SYNE2: variants seen among roughly 807,000 people sequenced by gnomAD.
The protein encoded by SYNE2 is nesprin-2.
In SYNE2, 431 loss-of-function variants were observed where a neutral mutation model predicts 856.3. The observed-to-expected ratio is 0.50, with a 90% CI of 0.47 to 0.55. SYNE2 has a LOEUF of 0.55. SYNE2 is among the 20% of genes least tolerant of loss of function. The pLI is 0.00. For missense variants in SYNE2, 8,129 were observed against 8,023.2 expected (o/e 1.01, Z -0.50); for synonymous variants, 2,923 against 2,872.3 (o/e 1.02, Z -0.56).
intron 1 of SYNE2, among the ~76,000 whole-genome samples, chr14:63,823,985 C>T (rs1330297148): frequency 6.6e-6 from 1 of 152,068 alleles, no homozygotes; most frequent in African/African-American, 2.4e-5. Flanking sequence ...TAAATAAGAC[C>T]TACTATTTGC....
chr14:63,961,074 A>G (rs2096307108), intron 8 of SYNE2, among the ~76,000 whole-genome samples: 1 of 152,186 alleles, frequency 6.6e-6, no homozygotes, highest in African/African-American at 2.4e-5. Flanking sequence ...CTTCCGTACA[A>G]TATATGCTTT....
At chr14:63,885,560 C>A (rs1482837255) in intron 1 of SYNE2, among the ~76,000 whole-genome samples, 2 of 152,164 alleles carry the variant, frequency 1.3e-5, no homozygotes, top group African/African-American at 4.8e-5. Flanking sequence ...GACCATTTAA[C>A]TCCCAAATGG....
intron 71 of SYNE2, 99 bp downstream of exon 71, chr14:64,125,309 C>A: frequency 1.3e-6 from 2 of 1,511,210 alleles, no homozygotes; most frequent in Admixed American, 1.8e-5. Context: ...CTGAACAAGT[C>A]ATGGAACACA....
At chr14:64,032,833 ATGT>A (rs1488750484) in intron 45 of SYNE2, among the ~76,000 whole-genome samples, 3 of 152,162 alleles carry the variant, frequency 2.0e-5, no homozygotes, top group African/African-American at 7.2e-5. Flanking sequence ...GAGGCTCTTG[ATGT>A]TGTATGTGTA....
intron 99 of SYNE2, chr14:64,202,179 C>G: frequency 2.8e-6 from 2 of 702,270 alleles, no homozygotes; most frequent in East Asian, 5.4e-5. Context: ...TTGCCCCCTC[C>G]CTTTTAGACG....
chr14:63,838,575 C>T (rs969893886), intron 1 of SYNE2, among the ~76,000 whole-genome samples: 5 of 151,892 alleles, frequency 3.3e-5, no homozygotes, highest in African/African-American at 2.4e-5. Context: ...AATGCAGTGG[C>T]GCAATCATAG....
At position 63,976,568 on chromosome 14, in the gene SYNE2, T is replaced by C. The variant is rs1447007908; in HGVS notation, c.1134T>C (p.Asn378=). 4 of 1,581,986 alleles carry C rather than the reference T, an allele frequency of 2.5e-6. No individual in the cohort carries two copies. In the South Asian group the frequency reaches 3.4e-5, roughly 13 times the overall value. The change falls in exon 12 of 116, where the codon AAT becomes AAC. Residue 378 remains asparagine, a synonymous_variant. Transcript: ENST00000555002. ...EAWDGLDHQI[N]AWKIKLNYAL... ...TTTTTTTTTTTTTTTTTCAGATTAA[T>C]GCATGGAAAATAAAGCTAAATTATG...
upstream of SYNE2, among the ~76,000 whole-genome samples, chr14:63,849,009 G>A (rs1890318182): frequency 6.6e-6 from 1 of 152,188 alleles, no homozygotes; most frequent in Non-Finnish European, 1.5e-5. Context: ...CATTAGTCAA[G>A]GGAGCAATTA....
chr14:64,062,813 A>G lies in SYNE2; in HGVS notation c.10130A>G (p.Lys3377Arg), dbSNP rs1182521156. ...MEEDIYTNLS[K>R]METVLGQSMS... ...GAGGATATTTACACTAACCTCAGCA[A>G]AATGGAGACAGTTCTTGGACAGTCC... The change falls in exon 50 of 116, where the codon AAA (lysine) becomes AGA (arginine). Residue 3377 changes from lysine to arginine, a missense_variant. Lys to Arg is a conservative substitution (Grantham distance 26). Coordinates refer to ENST00000555002, the MANE Select transcript of SYNE2 (RefSeq NM_182914.3). 1 of 1,614,152 alleles carries G rather than the reference A, an allele frequency of 6.2e-7. No individual in the cohort carries two copies. Among genetic ancestry groups the G allele is most frequent in the Admixed American group, 1.7e-5 (1 of 60,010 alleles).
chr14:63,800,979 AT>A (rs1243390840), intron 1 of SYNE2, among the ~76,000 whole-genome samples: 3 of 152,216 alleles, frequency 2.0e-5, no homozygotes, highest in African/African-American at 7.2e-5. Flanking sequence ...AATAAAATAA[AT>A]GATAATGTTA....
intron 1 of SYNE2, among the ~76,000 whole-genome samples, chr14:63,798,200 C>CA (rs1446172903): frequency 1.3e-5 from 2 of 151,998 alleles, no homozygotes; most frequent in Non-Finnish European, 2.9e-5. Flanking sequence ...CCACCACGCT[C>CA]AGCTGTTTTT....
chr14:64,009,962 T>C lies in SYNE2; in HGVS notation c.4578-4T>C. On this transcript the variant is annotated splice_region_variant and splice_polypyrimidine_tract_variant and intron_variant, in intron 31 of 115. Coordinates refer to ENST00000555002, the MANE Select transcript of SYNE2 (RefSeq NM_182914.3). ...TTAGCTATTGTATATTTTTCTATTC[T>C]TAGTCTTGAACAATGTGGGAGAGTT... The C allele has an allele frequency of 6.2e-7, 1 of 1,612,308 alleles. No homozygotes were observed. The highest frequency in any genetic ancestry group is 1.7e-5 in the Admixed American group (1 of 59,988).
At chr14:63,824,347 T>C (rs561363441) in intron 1 of SYNE2, among the ~76,000 whole-genome samples, 28 of 151,900 alleles carry the variant, frequency 1.8e-4, no homozygotes, top group African/African-American at 6.5e-4. Flanking sequence ...TTTTAAAAAA[T>C]GCATAACTAG....
At chr14:63,878,083 T>G (rs2094769188) in intron 1 of SYNE2, among the ~76,000 whole-genome samples, 1 of 152,026 alleles carries the variant, frequency 6.6e-6, no homozygotes, top group African/African-American at 2.4e-5. Flanking sequence ...GATGAGGTCT[T>G]ACTGTGTTAC....
At chr14:63,959,284 CTTCTTTTTTTTT>C (rs1165133993) in intron 8 of SYNE2, among the ~76,000 whole-genome samples, 9 of 113,166 alleles carry the variant, frequency 8.0e-5, no homozygotes, top group African/African-American at 3.0e-4. Context: ...TTCTTTTCTT[CTTCTTTTTTTTT>C]TTTTTTTTTT....
intron 19 of SYNE2, among the ~76,000 whole-genome samples, chr14:63,989,273 A>C (rs926148660): frequency 6.6e-6 from 1 of 152,186 alleles, no homozygotes; most frequent in Non-Finnish European, 1.5e-5. Context: ...TTATGCAGTC[A>C]TGTCTATCCC....
At chr14:63,945,633 G>T (rs1357494478) in intron 6 of SYNE2, among the ~76,000 whole-genome samples, 1 of 151,812 alleles carries the variant, frequency 6.6e-6, no homozygotes, top group Non-Finnish European at 1.5e-5. Flanking sequence ...GTTCTGTTTT[G>T]TTTTTTTGAG....
Position 64,225,944 on chromosome 14 carries a change from A to T in SYNE2, c.*418A>T, listed in dbSNP as rs2098716761. The T allele has an allele frequency of 2.7e-6, 1 of 370,270 alleles. No individual in the cohort carries two copies. The allele number at this position is 370,270 out of a possible 1,614,324, so 22.9% of individuals were successfully genotyped here. On this transcript the variant is annotated 3_prime_UTR_variant, in exon 116 of 116. Coordinates refer to ENST00000555002, the MANE Select transcript of SYNE2 (RefSeq NM_182914.3). ...CACCCTAGAAATGGTTCAGAAACTC[A>T]TAGGCACCCTTAGCTGATGGAAACA...
chr14:63,963,343 G>C (rs1285954750), intron 9 of SYNE2, among the ~76,000 whole-genome samples: 1 of 152,200 alleles, frequency 6.6e-6, no homozygotes, highest in African/African-American at 2.4e-5. Flanking sequence ...GAAGGTTAAG[G>C]AAGAGTGGAA....
Sources: allele counts gnomAD v4.1 joint callset (sites outside exome capture counted in the v4.1 genomes callset), GRCh38; gene constraint gnomAD v4.1.1; transcripts MANE v1.5; gene names NCBI Gene and HGNC (gene_info 2026-07-23, HGNC 2026-07-21).